The following SNX29 variants were observed in gnomAD, a reference collection of about 807,000 sequenced individuals.
The protein encoded by SNX29 is sorting nexin-29.
SNX29 carries 78 observed loss-of-function variants against 102.1 expected under a neutral mutation model. The ratio of observed to expected loss-of-function variants is 0.76; its 90% CI spans 0.64 to 0.92. The LOEUF (loss-of-function observed/expected upper bound fraction) is 0.92. Among genes scored for constraint, SNX29 ranks in the 40% least tolerant of loss-of-function variants. The pLI is 0.00. For missense variants in SNX29, 1,280 were observed against 1,061.7 expected, an observed-to-expected ratio of 1.21 and a Z score of -2.86; for synonymous variants, 580 against 414.5, an observed-to-expected ratio of 1.40 and a Z score of -4.85.
chr16:12,509,821 C>T (rs562125424), intron 19 of SNX29, among the ~76,000 whole-genome samples: 11 of 152,348 alleles, frequency 7.2e-5, no homozygotes, highest in African/African-American at 2.6e-4. Flanking sequence ...AATGCCGTTC[C>T]CAGCTCCTGG....
chr16:12,331,701 G>A (rs770833906), intron 15 of SNX29, among the ~76,000 whole-genome samples: 14 of 151,808 alleles, frequency 9.2e-5, no homozygotes, highest in African/African-American at 2.4e-4. Context: ...ACAGGCGCCC[G>A]CCTCCACACC....
intron 14 of SNX29, among the ~76,000 whole-genome samples, chr16:12,228,026 A>C (rs1292286127): frequency 6.6e-6 from 1 of 151,872 alleles, no homozygotes; most frequent in African/African-American, 2.4e-5. Context: ...CTGTAATCTC[A>C]GCACTTCCAG....
chr16:12,002,914 C>A (rs776464205), intron 2 of SNX29, 77 bp from the exon 3 acceptor site: 26 of 1,558,522 alleles, frequency 1.7e-5, no homozygotes, highest in Non-Finnish European at 2.1e-5. Context: ...GACCCTTAAG[C>A]CCTGTGTAGG....
At chr16:12,416,679 T>C (rs1443205240) in intron 18 of SNX29, among the ~76,000 whole-genome samples, 1 of 152,078 alleles carries the variant, frequency 6.6e-6, no homozygotes, top group Non-Finnish European at 1.5e-5. Context: ...CTTGGAGGCT[T>C]TTAGTCATGG....
intron 20 of SNX29, among the ~76,000 whole-genome samples, chr16:12,550,218 A>C (rs1419062096): frequency 6.6e-6 from 1 of 152,204 alleles, no homozygotes; most frequent in African/African-American, 2.4e-5. Context: ...GAAGAGTACC[A>C]CACAATACCT....
intron 13 of SNX29, among the ~76,000 whole-genome samples, chr16:12,182,519 G>A (rs2076410703): frequency 6.6e-6 from 1 of 152,138 alleles, no homozygotes; most frequent in Admixed American, 6.5e-5. Flanking sequence ...GTTCTTGGGA[G>A]GGCTGAGATA....
At chr16:12,401,106 C>A (rs1160693518) in intron 17 of SNX29, among the ~76,000 whole-genome samples, 4 of 152,166 alleles carry the variant, frequency 2.6e-5, no homozygotes, top group African/African-American at 9.7e-5. Flanking sequence ...GTTGAGATTA[C>A]AGGCGTGAGC....
At chr16:12,193,160 T>G (rs559363113) in intron 13 of SNX29, among the ~76,000 whole-genome samples, 1 of 152,358 alleles carries the variant, frequency 6.6e-6, no homozygotes. Flanking sequence ...TTTTGGAGTT[T>G]CATCCAAGTT....
intron 15 of SNX29, among the ~76,000 whole-genome samples, chr16:12,279,318 A>G (rs2151018500): frequency 6.6e-6 from 1 of 152,270 alleles, no homozygotes; most frequent in Non-Finnish European, 1.5e-5. Context: ...CATTCTTACC[A>G]TCTGTTTTGT....
intron 19 of SNX29, among the ~76,000 whole-genome samples, chr16:12,500,488 C>G (rs2089063335): frequency 6.6e-6 from 1 of 152,228 alleles, no homozygotes; most frequent in Non-Finnish European, 1.5e-5. Flanking sequence ...CTTTTGCTGT[C>G]AACCCCATGC....
At chr16:12,044,291 C>T (rs1416231504) in intron 5 of SNX29, among the ~76,000 whole-genome samples, 1 of 152,202 alleles carries the variant, frequency 6.6e-6, no homozygotes, top group East Asian at 1.9e-4. Context: ...CAGGTCTCCT[C>T]TTCTGCTTTA....
intron 20 of SNX29, among the ~76,000 whole-genome samples, chr16:12,544,192 C>A (rs1002465458): frequency 6.6e-6 from 1 of 152,214 alleles, no homozygotes; most frequent in Non-Finnish European, 1.5e-5. Context: ...TGCACATCAG[C>A]CAAGGCTTCA....
intron 15 of SNX29, among the ~76,000 whole-genome samples, chr16:12,329,252 G>T (rs191719621): frequency 3.2e-4 from 37 of 115,862 alleles, no homozygotes; most frequent in African/African-American, 1.1e-3. Flanking sequence ...ACTCCAGCCT[G>T]AGCAACATGG....
intron 19 of SNX29, among the ~76,000 whole-genome samples, chr16:12,483,529 C>T (rs936726557): frequency 8.6e-5 from 13 of 152,030 alleles, no homozygotes; most frequent in African/African-American, 2.9e-4. Flanking sequence ...GTTGGTCAGG[C>T]TGGTCTCGAA....
At chr16:12,102,478 A>G (rs2053063750) in intron 11 of SNX29, among the ~76,000 whole-genome samples, 1 of 152,158 alleles carries the variant, frequency 6.6e-6, no homozygotes, top group Non-Finnish European at 1.5e-5. Context: ...GTGAGATGGT[A>G]TCTCATTGTG....
chr16:12,475,488 C>G (rs2087548914), intron 18 of SNX29, among the ~76,000 whole-genome samples: 2 of 152,296 alleles, frequency 1.3e-5, no homozygotes, highest in South Asian at 4.1e-4. Flanking sequence ...ACAGAAGCTC[C>G]TTGACTTATG....
chr16:12,354,316 C>G (rs1382710628), intron 15 of SNX29, among the ~76,000 whole-genome samples: 2 of 152,116 alleles, frequency 1.3e-5, no homozygotes, highest in Non-Finnish European at 2.9e-5. Flanking sequence ...CAAATTTTGT[C>G]TCTTAAGTTG....
intron 13 of SNX29, among the ~76,000 whole-genome samples, chr16:12,151,067 T>C (rs970903864): frequency 6.6e-6 from 1 of 152,184 alleles, no homozygotes; most frequent in Non-Finnish European, 1.5e-5. Flanking sequence ...TTTTAAATTA[T>C]GGAATTTTTC....
At chr16:12,105,232 CCTT>C in intron 11 of SNX29, among the ~76,000 whole-genome samples, 1 of 131,014 alleles carries the variant, frequency 7.6e-6, no homozygotes, top group South Asian at 2.8e-4. Context: ...TCCCTCCCTT[CCTT>C]CCTTCCTTCC....
Sources: gnomAD v4.1 joint callset for allele counts (sites outside exome capture counted in the v4.1 genomes callset) on GRCh38, gnomAD v4.1.1 for gene constraint, MANE v1.5 for transcripts, NCBI Gene and HGNC (gene_info 2026-07-23, HGNC 2026-07-21) for gene names.